GPC5: variants seen among roughly 807,000 people sequenced by gnomAD.
The protein encoded by GPC5 is glypican 5.
In GPC5, 47 loss-of-function variants were observed where a neutral mutation model predicts 53.9. The ratio of observed to expected loss-of-function variants is 0.87; its 90% CI spans 0.69 to 1.11. The LOEUF (loss-of-function observed/expected upper bound fraction) is 1.11. Among genes scored for constraint, GPC5 ranks in the 50% most tolerant of loss-of-function variants. GPC5 has a pLI of 0.00. For synonymous variants in GPC5, 286 were observed against 263.3 expected (o/e 1.09, Z -0.84); for missense variants, 748 against 713.1 (o/e 1.05, Z -0.56).
At chr13:92,119,390 GTT>G (rs386380215) in intron 6 of GPC5, among the ~76,000 whole-genome samples, 5 of 65,682 alleles carry the variant, frequency 7.6e-5, no homozygotes, top group African/African-American at 3.3e-4. Flanking sequence ...TAGGATTTTA[GTT>G]TTTTTTTTTT....
intron 7 of GPC5, among the ~76,000 whole-genome samples, chr13:92,666,762 T>C (rs1037754935): frequency 2.0e-5 from 3 of 152,204 alleles, no homozygotes; most frequent in African/African-American, 7.2e-5. Flanking sequence ...TATAGAAGAA[T>C]TACATATATT....
intron 7 of GPC5, among the ~76,000 whole-genome samples, chr13:92,690,709 T>G (rs1488728074): frequency 8.1e-6 from 1 of 122,824 alleles, no homozygotes; most frequent in Admixed American, 9.4e-5. Flanking sequence ...TATCTACTTT[T>G]GGTCTTTGAT....
intron 2 of GPC5, among the ~76,000 whole-genome samples, chr13:91,474,989 C>T (rs1442432691): frequency 6.6e-6 from 1 of 152,068 alleles, no homozygotes; most frequent in Non-Finnish European, 1.5e-5. Flanking sequence ...AGTCAAGCAT[C>T]AAAGAAATAG....
chr13:91,856,030 G>T (rs1210446758), intron 5 of GPC5, among the ~76,000 whole-genome samples: 1 of 151,286 alleles, frequency 6.6e-6, no homozygotes, highest in Admixed American at 6.6e-5. Context: ...TAATAGTTTT[G>T]TCTGTTCTTG....
At chr13:92,036,272 T>C (rs918395509) in intron 6 of GPC5, among the ~76,000 whole-genome samples, 2 of 152,208 alleles carry the variant, frequency 1.3e-5, no homozygotes, top group Admixed American at 1.3e-4. Context: ...TCATGTTCCT[T>C]CTATAATTGG....
At chr13:91,493,088 C>A (rs9560817) in intron 2 of GPC5, among the ~76,000 whole-genome samples, 37,143 of 152,050 alleles carry the variant, frequency 0.24, 5,344 homozygotes, top group East Asian at 0.58. Flanking sequence ...TCATCATCCT[C>A]TTCTTTTGCT....
intron 5 of GPC5, among the ~76,000 whole-genome samples, chr13:91,890,990 C>A (rs144102218): frequency 6.6e-6 from 1 of 152,216 alleles, no homozygotes; most frequent in Non-Finnish European, 1.5e-5. Context: ...TTGTGTGGCC[C>A]ATATACCAGG....
intron 7 of GPC5, among the ~76,000 whole-genome samples, chr13:92,663,975 G>A (rs1164909177): frequency 6.7e-6 from 1 of 149,090 alleles, no homozygotes; most frequent in South Asian, 2.1e-4. Flanking sequence ...GGGAGGCTGA[G>A]GCAGAAGAAT....
chr13:91,494,610 C>G lies in GPC5; in HGVS notation c.325+45688C>G, dbSNP rs185218018. ...CCTGTGTCACTTCAGAGAAACACTT[C>G]TTATCAATATCCCTAGTGATCTCCA... is the stretch of plus-strand genomic sequence containing the variant. On this transcript the variant is annotated intron_variant, in intron 2 of 7. Coordinates refer to ENST00000377067, the MANE Select transcript of GPC5 (RefSeq NM_004466.6). Among the ~76,000 whole-genome samples, 330 of 152,244 alleles carry G rather than the reference C, an allele frequency of 2.2e-3. 2 individuals are homozygous for G. Among genetic ancestry groups the G allele is most frequent in the African/African-American group, 7.8e-3 (322 of 41,542 alleles).
chr13:92,712,839 A>G (rs903994086), intron 7 of GPC5, among the ~76,000 whole-genome samples: 9 of 152,216 alleles, frequency 5.9e-5, no homozygotes, highest in Non-Finnish European at 1.0e-4. Flanking sequence ...TGGTGTCCTT[A>G]TAAGAAATTA....
chr13:91,779,963 G>T (rs1490526528), intron 5 of GPC5, among the ~76,000 whole-genome samples: 4 of 151,990 alleles, frequency 2.6e-5, no homozygotes, highest in Admixed American at 6.6e-5. Context: ...TACATAAACC[G>T]GTAACATAGC....
chr13:92,173,315 G>C (rs2042083947), intron 7 of GPC5, among the ~76,000 whole-genome samples: 1 of 152,072 alleles, frequency 6.6e-6, no homozygotes, highest in Admixed American at 6.6e-5. Flanking sequence ...TAGGTGTGTC[G>C]ATTCTGGGTT....
intron 2 of GPC5, among the ~76,000 whole-genome samples, chr13:91,634,953 C>T (rs527645068): frequency 6.6e-6 from 1 of 152,134 alleles, no homozygotes; most frequent in Non-Finnish European, 1.5e-5. Context: ...ACTTGTTCTC[C>T]CTCATTTTGT....
chr13:92,342,646 T>TA (rs1472446809), intron 7 of GPC5, among the ~76,000 whole-genome samples: 2 of 152,126 alleles, frequency 1.3e-5, no homozygotes, highest in Non-Finnish European at 2.9e-5. Context: ...GTTTCTTTTT[T>TA]AAATTACCAA....
At chr13:91,840,208 T>C (rs2038769234) in intron 5 of GPC5, among the ~76,000 whole-genome samples, 2 of 152,180 alleles carry the variant, frequency 1.3e-5, no homozygotes, top group Admixed American at 1.3e-4. Flanking sequence ...ATTATCACCA[T>C]ACTTACACAT....
chr13:91,691,777 T>G (rs1205934889), intron 2 of GPC5, among the ~76,000 whole-genome samples: 1 of 152,146 alleles, frequency 6.6e-6, no homozygotes, highest in Non-Finnish European at 1.5e-5. Context: ...CCTCTGCATT[T>G]TGTTATTCCA....
intron 2 of GPC5, among the ~76,000 whole-genome samples, chr13:91,640,445 T>G (rs2034396435): frequency 6.6e-6 from 1 of 152,148 alleles, no homozygotes; most frequent in Non-Finnish European, 1.5e-5. Context: ...CTCACGCCAG[T>G]CAGACTGGCA....
chr13:92,140,380 A>T (rs2041821431), intron 6 of GPC5, among the ~76,000 whole-genome samples: 1 of 152,158 alleles, frequency 6.6e-6, no homozygotes, highest in African/African-American at 2.4e-5. Flanking sequence ...TCTTGGCGTC[A>T]TTTCTAAAAG....
intron 7 of GPC5, among the ~76,000 whole-genome samples, chr13:92,847,928 A>G (rs1197241794): frequency 1.3e-5 from 2 of 152,176 alleles, no homozygotes; most frequent in Admixed American, 1.3e-4. Flanking sequence ...AGAGATGATT[A>G]TTTCTAACTT....
Sources: gnomAD v4.1 joint callset for allele counts (sites outside exome capture counted in the v4.1 genomes callset) on GRCh38, gnomAD v4.1.1 for gene constraint, MANE v1.5 for transcripts, NCBI Gene and HGNC (gene_info 2026-07-23, HGNC 2026-07-21) for gene names.